The following NAV2 variants were observed in gnomAD, a reference collection of about 807,000 sequenced individuals.
The protein encoded by NAV2 is neuron navigator 2, also known as helicase, APC down-regulated 1.
Under a neutral mutation model 223.2 loss-of-function variants are expected in NAV2, and 54 were observed. The ratio of observed to expected loss-of-function variants is 0.24; its 90% CI spans 0.19 to 0.30. The LOEUF (loss-of-function observed/expected upper bound fraction) is 0.30, where lower values mean the gene tolerates loss of function less well. Among genes scored for constraint, NAV2 ranks in the 10% least tolerant of loss-of-function variants. The probability of loss-of-function intolerance (pLI) is 1.00; values close to 1 mark genes in which losing one functional copy is unlikely to be tolerated. For synonymous variants in NAV2, 1,279 were observed against 1,239.3 expected (o/e 1.03, Z -0.67); for missense variants, 2,806 against 3,147.5 (o/e 0.89, Z 2.60).
intron 8 of NAV2, among the ~76,000 whole-genome samples, chr11:19,940,124 T>G (rs1029083748): frequency 2.0e-5 from 3 of 152,148 alleles, no homozygotes; most frequent in African/African-American, 7.2e-5. Flanking sequence ...TAAAGTTGCT[T>G]TTCAACAAGA....
At chr11:20,012,532 G>A (rs1182575302) in intron 11 of NAV2, among the ~76,000 whole-genome samples, 4 of 151,930 alleles carry the variant, frequency 2.6e-5, no homozygotes, top group East Asian at 1.9e-4. Context: ...AAAATTAGCC[G>A]GGCACAGTGG....
At chr11:19,925,105 GT>G (rs1391742602) in intron 6 of NAV2, among the ~76,000 whole-genome samples, 1 of 152,070 alleles carries the variant, frequency 6.6e-6, no homozygotes, top group East Asian at 1.9e-4. Flanking sequence ...GAATATTCAA[GT>G]TTTTTGCCCA....
intron 1 of NAV2, among the ~76,000 whole-genome samples, chr11:19,486,284 C>G (rs1482434337): frequency 6.6e-6 from 1 of 152,076 alleles, no homozygotes; most frequent in Non-Finnish European, 1.5e-5. Flanking sequence ...GGACCCTGTG[C>G]CTCTGAAGCC....
At chr11:19,420,321 C>T (rs1008133777) in intron 1 of NAV2, among the ~76,000 whole-genome samples, 2 of 152,204 alleles carry the variant, frequency 1.3e-5, no homozygotes, top group African/African-American at 4.8e-5. Flanking sequence ...GAAAGTTGCA[C>T]ACACTGTTGG....
At chr11:19,521,021 C>A (rs756538664) in intron 1 of NAV2, among the ~76,000 whole-genome samples, 1 of 152,178 alleles carries the variant, frequency 6.6e-6, no homozygotes, top group Non-Finnish European at 1.5e-5. Flanking sequence ...AAGGCCCATG[C>A]GCCTGCCTAT....
chr11:20,064,326 AGGAGCCTGCTACTGAC>A (rs1347552513), intron 20 of NAV2, among the ~76,000 whole-genome samples: 1 of 152,204 alleles, frequency 6.6e-6, no homozygotes, highest in African/African-American at 2.4e-5. Context: ...TAGGAGAGAA[AGGAGCCTGCTACTGAC>A]GGAGGAAGCT....
At chr11:19,823,488 G>A (rs941623371) in intron 1 of NAV2, among the ~76,000 whole-genome samples, 2 of 152,160 alleles carry the variant, frequency 1.3e-5, no homozygotes, top group East Asian at 1.9e-4. Flanking sequence ...ATTTACAGGC[G>A]TGAGCCACCG....
intron 1 of NAV2, among the ~76,000 whole-genome samples, chr11:19,678,451 T>C (rs896020878): frequency 2.6e-5 from 4 of 152,182 alleles, no homozygotes; most frequent in Admixed American, 2.0e-4. Flanking sequence ...TCACCTGCAC[T>C]GGGAGGGGTC....
intron 1 of NAV2, among the ~76,000 whole-genome samples, chr11:19,669,075 C>G (rs1184871052): frequency 6.6e-6 from 1 of 152,172 alleles, no homozygotes; most frequent in Non-Finnish European, 1.5e-5. Context: ...TTAGCTCTAG[C>G]AGGGGCACTG....
At chr11:19,436,125 C>T (rs541626345) in intron 1 of NAV2, among the ~76,000 whole-genome samples, 1 of 152,056 alleles carries the variant, frequency 6.6e-6, no homozygotes, top group Non-Finnish European at 1.5e-5. Flanking sequence ...GGGGTCACAT[C>T]CAAGAAATCA....
chr11:19,653,436 C>A (rs1377417287), intron 1 of NAV2, among the ~76,000 whole-genome samples: 1 of 152,214 alleles, frequency 6.6e-6, no homozygotes, highest in Non-Finnish European at 1.5e-5. Flanking sequence ...AGGCATTTTA[C>A]ATTTGTGAGC....
intron 1 of NAV2, among the ~76,000 whole-genome samples, chr11:19,484,535 T>A (rs1590304326): frequency 6.6e-6 from 1 of 152,192 alleles, no homozygotes. Context: ...GACCTTGAGG[T>A]CCATTCTCCT....
rs1329576420 is a variant in NAV2 at position 19,533,793 on chromosome 11, G to T, written c.75+182766G>T. ...GGGATCTCGGCTCACTGCAAGCTCC[G>T]CCTCCCGGGTTCACGCCATTCTCCT... On this transcript the variant is annotated intron_variant, in intron 1 of 37. Transcript: ENST00000360655. Among the ~76,000 whole-genome samples the T allele has an allele frequency of 2.4e-5, 3 of 127,240 alleles. 1 individual carries two copies. Among genetic ancestry groups the T allele is most frequent in the East Asian group, 2.1e-4 (1 of 4,852 alleles). 83.5% of individuals were successfully genotyped at this position (127,240 alleles called of 152,430 possible).
intron 1 of NAV2, among the ~76,000 whole-genome samples, chr11:19,623,404 A>G (rs1226759461): frequency 6.6e-6 from 1 of 152,294 alleles, no homozygotes; most frequent in African/African-American, 2.4e-5. Flanking sequence ...AGGTACACCA[A>G]TCAGACGTAG....
intron 7 of NAV2, among the ~76,000 whole-genome samples, chr11:19,936,104 G>A (rs556400619): frequency 6.4e-4 from 97 of 151,172 alleles, no homozygotes; most frequent in African/African-American, 2.3e-3. Flanking sequence ...CCTGAGCTCA[G>A]GCAGTCCACC....
intron 1 of NAV2, among the ~76,000 whole-genome samples, chr11:19,821,538 G>A (rs1014897485): frequency 3.5e-4 from 53 of 152,216 alleles, no homozygotes; most frequent in African/African-American, 1.2e-3. Flanking sequence ...GTCTGCTGCT[G>A]CATGGGGTCC....
At chr11:19,733,904 T>G (rs1310036007) in intron 1 of NAV2, among the ~76,000 whole-genome samples, 1 of 152,120 alleles carries the variant, frequency 6.6e-6, no homozygotes, top group Non-Finnish European at 1.5e-5. Context: ...ATTGAATGCT[T>G]AATATTTGCC....
intron 1 of NAV2, among the ~76,000 whole-genome samples, chr11:19,811,103 G>T (rs1305296649): frequency 2.0e-5 from 3 of 152,180 alleles, no homozygotes; most frequent in African/African-American, 7.2e-5. Flanking sequence ...GTGATTTATC[G>T]AACTCTTCCT....
rs537333127 is a variant in NAV2, at chr11:19,432,705, G to C, written c.75+81678G>C. 8.5e-5 allele frequency among the ~76,000 whole-genome samples: 13 copies of C among 152,316 alleles called. 1 individual carries two copies. In the South Asian group the frequency reaches 2.5e-3, roughly 29 times the overall value. On this transcript the variant is annotated intron_variant, in intron 1 of 37. Transcript: ENST00000360655. ...CCCAAGGTACAGCTAGGGTGTCCCT[G>C]TAGTGGAGACTGCACTGAATTCTAG... is the stretch of plus-strand genomic sequence containing the variant.
Sources: allele counts gnomAD v4.1 joint callset (sites outside exome capture counted in the v4.1 genomes callset), GRCh38; gene constraint gnomAD v4.1.1; transcripts MANE v1.5; gene names NCBI Gene and HGNC (gene_info 2026-07-23, HGNC 2026-07-21).